Variants in TMEM126A observed in about 807,000 individuals in gnomAD.
TMEM126A encodes the protein transmembrane protein 126A.
TMEM126A carries 10 observed loss-of-function variants against 18.3 expected under a neutral mutation model. The ratio of observed to expected loss-of-function variants is 0.55; its 90% confidence interval spans 0.34 to 0.93. The LOEUF is 0.93. Ranked by LOEUF, TMEM126A falls within the 40% of genes least tolerant of loss-of-function variation. The pLI is 0.02. For missense variants in TMEM126A, 246 were observed against 230.2 expected, an observed-to-expected ratio of 1.07 and a Z score of -0.44; for synonymous variants, 68 against 78.1, an observed-to-expected ratio of 0.87 and a Z score of 0.68.
chr11:85,655,575 T>C lies in TMEM126A; in HGVS notation c.281-19T>C, dbSNP rs781058291. On this transcript the variant is annotated intron_variant, in intron 3 of 4. Coordinates refer to ENST00000304511, the MANE Select transcript of TMEM126A (RefSeq NM_032273.4). ...TTGACTATCATGACCTTCATTTCTA[T>C]GACTAATTTATTTCCTAGGTGATTT... The C allele has an allele frequency of 3.2e-6, 5 of 1,563,340 alleles. No individual in the cohort carries two copies. In the Admixed American group the frequency reaches 8.3e-5, roughly 26 times the overall value.
At chr11:85,651,194 G>C (rs954335057) in intron 2 of TMEM126A, among the ~76,000 whole-genome samples, 1 of 152,056 alleles carries the variant, frequency 6.6e-6, no homozygotes, top group Non-Finnish European at 1.5e-5. Context: ...AGTCAAGAAG[G>C]TCTCTCTGAC....
At position 85,650,303 on chromosome 11, in the gene TMEM126A, T is replaced by C. The variant is rs1164075339; in HGVS notation, c.48T>C (p.Asp16=). The C allele has an allele frequency of 6.2e-7, 1 of 1,609,360 alleles. No homozygotes were observed. Among genetic ancestry groups the C allele is most frequent in the South Asian group, 1.1e-5 (1 of 90,754 alleles). ...ATAAGGAAAACATAACAATTGTTGA[T>C]ATATCCAGAAAAATTAACCAGCTTC... ...SNNKENITIV[D]ISRKINQLPE... The change falls in exon 2 of 5, where the codon GAT becomes GAC. Residue 16 remains aspartate (D), a synonymous_variant. Coordinates refer to ENST00000304511, the MANE Select transcript of TMEM126A (RefSeq NM_032273.4).
chr11:85,654,275 T>A lies in TMEM126A; in HGVS notation c.280+19T>A, dbSNP rs761278708. On this transcript the variant is annotated intron_variant, in intron 3 of 4. Coordinates refer to ENST00000304511, the MANE Select transcript of TMEM126A (RefSeq NM_032273.4). ...AATACAGGTAAATTCTACTTCACTA[T>A]CACCAAAGAGTTTGCCTTAGTATAT... is the stretch of plus-strand genomic sequence containing the variant. 3 of 1,612,000 alleles carry A rather than the reference T, an allele frequency of 1.9e-6. No homozygotes were observed. Among genetic ancestry groups the A allele is most frequent in the East Asian group, 4.5e-5 (2 of 44,858 alleles).
intron 2 of TMEM126A, 87 bp downstream of exon 2, chr11:85,650,428 A>T: frequency 9.9e-7 from 1 of 1,006,982 alleles, no homozygotes; most frequent in Admixed American, 2.0e-5. Context: ...TGGTTTGAGT[A>T]TAAACAACAT....
chr11:85,649,456 T>C (rs530795176), intron 1 of TMEM126A, among the ~76,000 whole-genome samples: 39 of 152,362 alleles, frequency 2.6e-4, no homozygotes, highest in African/African-American at 9.1e-4. Flanking sequence ...GTATGTTACC[T>C]GCAAAGCCTA....
chr11:85,651,069 C>CAAAAAA (rs3068382), intron 2 of TMEM126A, among the ~76,000 whole-genome samples: 4 of 79,846 alleles, frequency 5.0e-5, no homozygotes, highest in East Asian at 3.9e-4. Context: ...GGATCCGTCT[C>CAAAAAA]AAAAAAAAAA....
At chr11:85,652,437 C>A (rs1203892838) in intron 2 of TMEM126A, among the ~76,000 whole-genome samples, 1 of 152,104 alleles carries the variant, frequency 6.6e-6, no homozygotes, top group Non-Finnish European at 1.5e-5. Context: ...CTTGGCATGT[C>A]CTTCAGTGTA....
At chr11:85,655,763 A>T (rs1398812765) in intron 4 of TMEM126A, 55 bp downstream of exon 4, 7 of 1,273,808 alleles carry the variant, frequency 5.5e-6, no homozygotes, top group Non-Finnish European at 8.0e-6. Flanking sequence ...CTCACAACTT[A>T]AAGCAGCAAA....
intron 3 of TMEM126A, 41 bp downstream of exon 3, chr11:85,654,297 A>C: frequency 6.3e-7 from 1 of 1,591,516 alleles, no homozygotes; most frequent in Non-Finnish European, 8.6e-7. Context: ...TTGCCTTAGT[A>C]TATGTTATTT....
chr11:85,655,653 G>A lies in TMEM126A; in HGVS notation c.340G>A (p.Gly114Ser), dbSNP rs1481235931. 1 of 1,613,670 alleles carries A rather than the reference G, an allele frequency of 6.2e-7. No individual in the cohort carries two copies. Among genetic ancestry groups the A allele is most frequent in the East Asian group, 2.2e-5 (1 of 44,812 alleles). The change falls in exon 4 of 5, where the codon GGT becomes AGT. Residue 114 changes from glycine to serine, a missense_variant. Physicochemically the swap from Gly to Ser is moderately conservative, Grantham distance 56. Coordinates refer to ENST00000304511, the MANE Select transcript of TMEM126A (RefSeq NM_032273.4). ...GAGTGGACTGACTGGTCTTGTTATT[G>A]GTGGTCTATACCCTGTTTTCTTGGC... Reference protein sequence around the residue: ...TRSGLTGLVIGGLYPVFLAIP... With the variant: ...TRSGLTGLVISGLYPVFLAIP...
intron 3 of TMEM126A, 176 bp from the exon 4 acceptor site, chr11:85,655,418 C>T (rs1239581204): frequency 1.8e-6 from 1 of 563,650 alleles, no homozygotes; most frequent in African/African-American, 1.9e-5. Flanking sequence ...CCAATTATTC[C>T]TAGCTATTTT....
In TMEM126A at chr11:85,655,606, G is replaced by C. The variant is rs1355524574; in HGVS notation, c.293G>C (p.Cys98Ser). Residue 98 changes from cysteine (C) to serine (S), a missense_variant, in exon 4 of 5, where the codon TGT (cysteine) becomes TCT (serine). Cys to Ser is a moderately radical substitution (Grantham distance 112, BLOSUM62 -1). Transcript: ENST00000304511. The stretch of plus-strand genomic sequence containing the variant: ...ATTTATTTCCTAGGTGATTTGGATT[G>C]TGAAACCTGTACCATAACACGGAGT... The part of the protein sequence containing the change: ...SFPLNTGDLD[C>S]ETCTITRSGL... The C allele has an allele frequency of 3.1e-6, 5 of 1,613,124 alleles. No individual in the cohort carries two copies. The highest frequency in any genetic ancestry group is 4.2e-6 in the Non-Finnish European group (5 of 1,179,340).
intron 2 of TMEM126A, among the ~76,000 whole-genome samples, chr11:85,653,658 A>T (rs1041116235): frequency 4.6e-5 from 7 of 152,170 alleles, no homozygotes; most frequent in African/African-American, 1.7e-4. Flanking sequence ...CCTGACACTA[A>T]TGTTTCAGGG....
chr11:85,652,122 C>G (rs1283133774), intron 2 of TMEM126A, among the ~76,000 whole-genome samples: 1 of 152,194 alleles, frequency 6.6e-6, no homozygotes, highest in Non-Finnish European at 1.5e-5. Context: ...TGAGATCATG[C>G]CACTGCACTC....
intron 2 of TMEM126A, among the ~76,000 whole-genome samples, chr11:85,651,859 G>A (rs1450979930): frequency 6.6e-6 from 1 of 152,122 alleles, no homozygotes; most frequent in African/African-American, 2.4e-5. Flanking sequence ...GGGAAAGTGA[G>A]AAAGACTAAT....
intron 2 of TMEM126A, among the ~76,000 whole-genome samples, chr11:85,651,775 T>C (rs1050365662): frequency 1.1e-4 from 17 of 152,350 alleles, no homozygotes; most frequent in African/African-American, 3.8e-4. Context: ...CCCTTCTAGT[T>C]GTTTTCCTGA....
At chr11:85,653,430 G>A (rs2082515933) in intron 2 of TMEM126A, among the ~76,000 whole-genome samples, 1 of 152,198 alleles carries the variant, frequency 6.6e-6, no homozygotes, top group Admixed American at 6.5e-5. Flanking sequence ...GTCGTAGTCT[G>A]AAAAGTTTGG....
At chr11:85,652,473 T>C (rs1306710682) in intron 2 of TMEM126A, among the ~76,000 whole-genome samples, 1 of 152,226 alleles carries the variant, frequency 6.6e-6, no homozygotes, top group Non-Finnish European at 1.5e-5. Flanking sequence ...ATCAAAAACT[T>C]CATTTTCTGA....
chr11:85,655,470 T>C (rs1368825205), intron 3 of TMEM126A, 124 bp from the exon 4 acceptor site: 2 of 754,818 alleles, frequency 2.6e-6, no homozygotes, highest in African/African-American at 3.4e-5. Flanking sequence ...ACAGGCTTTG[T>C]ACAATTACAT....
Sources: gnomAD v4.1 joint callset for allele counts (sites outside exome capture counted in the v4.1 genomes callset) on GRCh38, gnomAD v4.1.1 for gene constraint, MANE v1.5 for transcripts, NCBI Gene and HGNC (gene_info 2026-07-23, HGNC 2026-07-21) for gene names.